The following KIAA1328 variants were observed in gnomAD, a reference collection of about 807,000 sequenced individuals.
KIAA1328 encodes KIAA1328, also known as protein hinderin.
KIAA1328 carries 52 observed loss-of-function variants against 68.1 expected under a neutral mutation model. The ratio of observed to expected loss-of-function variants is 0.76; its 90% CI spans 0.61 to 0.96. The LOEUF is 0.96. Ranked by LOEUF, KIAA1328 falls within the 40% of genes least tolerant of loss-of-function variation. The pLI is 0.00. For synonymous variants in KIAA1328, 232 were observed against 239.4 expected (o/e 0.97, Z 0.28); for missense variants, 641 against 677.6 (o/e 0.95, Z 0.60).
chr18:36,915,140 A>G (rs2049636511), intron 5 of KIAA1328, among the ~76,000 whole-genome samples: 1 of 152,214 alleles, frequency 6.6e-6, no homozygotes, highest in South Asian at 2.1e-4. Flanking sequence ...TGTAAGGCAT[A>G]CTGTAACACT....
intron 4 of KIAA1328, among the ~76,000 whole-genome samples, chr18:36,881,372 G>A (rs552987471): frequency 6.6e-6 from 1 of 151,568 alleles, no homozygotes; most frequent in Admixed American, 6.6e-5. Flanking sequence ...CCTATTCATT[G>A]TATAGAAATT....
At chr18:36,909,987 T>G (rs997909598) in intron 5 of KIAA1328, among the ~76,000 whole-genome samples, 6 of 152,212 alleles carry the variant, frequency 3.9e-5, no homozygotes, top group Admixed American at 6.5e-5. Context: ...GTTGTTTTTT[T>G]TGTGTAAATT....
Position 37,215,461 on chromosome 18 carries a change from C to T in KIAA1328, c.1524-6556C>T, listed in dbSNP as rs144410819. 1.5e-3 allele frequency among the ~76,000 whole-genome samples: 233 copies of T among 152,208 alleles called. 6 individuals are homozygous for T. In the East Asian group the frequency reaches 0.035, roughly 23 times the overall value. On this transcript the variant is annotated intron_variant, in intron 9 of 9. Transcript: ENST00000280020. ...GTGATGGATTACATTTATTGATTTG[C>T]GTATGTCGAACCAGCCTTGCATCCC...
At chr18:36,889,765 A>G (rs966321240) in intron 5 of KIAA1328, among the ~76,000 whole-genome samples, 12 of 152,216 alleles carry the variant, frequency 7.9e-5, no homozygotes, top group Non-Finnish European at 1.0e-4. Context: ...TATTATTAAT[A>G]TGGATGAGGG....
At chr18:37,031,380 T>C (rs1188677544) in intron 6 of KIAA1328, among the ~76,000 whole-genome samples, 1 of 152,210 alleles carries the variant, frequency 6.6e-6, no homozygotes, top group African/African-American at 2.4e-5. Flanking sequence ...TATTATATAG[T>C]CTTGGTGCAT....
At chr18:37,071,094 G>A (rs773874858) in intron 7 of KIAA1328, among the ~76,000 whole-genome samples, 4 of 102,010 alleles carry the variant, frequency 3.9e-5, no homozygotes, top group Non-Finnish European at 7.2e-5. Flanking sequence ...TGGTTTGACA[G>A]GATCTCACTC....
At chr18:36,986,269 A>G (rs558714724) in intron 6 of KIAA1328, among the ~76,000 whole-genome samples, 2 of 152,346 alleles carry the variant, frequency 1.3e-5, no homozygotes, top group South Asian at 4.1e-4. Context: ...ATGAAAAGCA[A>G]CTACTGATAC....
intron 6 of KIAA1328, among the ~76,000 whole-genome samples, chr18:37,043,511 T>A (rs2055342384): frequency 6.6e-6 from 1 of 152,214 alleles, no homozygotes; most frequent in South Asian, 2.1e-4. Context: ...ACCTTTTTTT[T>A]CTCTTAAGCC....
chr18:37,184,197 G>T (rs1267053904), intron 9 of KIAA1328, among the ~76,000 whole-genome samples: 1 of 152,056 alleles, frequency 6.6e-6, no homozygotes, highest in African/African-American at 2.4e-5. Flanking sequence ...AAAATCCATT[G>T]CTTCTGCCCA....
chr18:36,862,042 C>A (rs949041785), intron 4 of KIAA1328, among the ~76,000 whole-genome samples: 50 of 152,218 alleles, frequency 3.3e-4, no homozygotes, highest in Middle Eastern at 3.4e-3. Flanking sequence ...AAAAAAGAAA[C>A]AACTTTTTGT....
intron 7 of KIAA1328, among the ~76,000 whole-genome samples, chr18:37,116,913 C>T (rs1404045972): frequency 3.9e-5 from 6 of 152,174 alleles, no homozygotes; most frequent in Non-Finnish European, 7.4e-5. Flanking sequence ...TGAAAAAATG[C>T]TCATCATCAC....
intron 3 of KIAA1328, among the ~76,000 whole-genome samples, chr18:36,843,318 T>G (rs2046920429): frequency 6.6e-6 from 1 of 152,210 alleles, no homozygotes; most frequent in African/African-American, 2.4e-5. Flanking sequence ...CTATTACTAT[T>G]TCCAGAATTC....
chr18:37,136,888 G>C (rs984709079), intron 7 of KIAA1328, among the ~76,000 whole-genome samples: 3 of 152,188 alleles, frequency 2.0e-5, no homozygotes, highest in Non-Finnish European at 4.4e-5. Flanking sequence ...TGTAGGATTT[G>C]AGCAATAGAA....
intron 5 of KIAA1328, among the ~76,000 whole-genome samples, chr18:36,942,039 C>T (rs2050733430): frequency 6.6e-6 from 1 of 152,040 alleles, no homozygotes; most frequent in Non-Finnish European, 1.5e-5. Context: ...CTGAAGTATG[C>T]TTGTGGAAGT....
intron 4 of KIAA1328, among the ~76,000 whole-genome samples, chr18:36,861,248 G>C (rs2047556786): frequency 6.6e-6 from 1 of 151,854 alleles, no homozygotes; most frequent in African/African-American, 2.4e-5. Context: ...TTTTTCTCAA[G>C]ATTATATTGT....
At position 37,081,125 on chromosome 18, in the gene KIAA1328, GCA is replaced by G. The variant is rs1306834154; in HGVS notation, c.1232+13582_1232+13583del. Among the ~76,000 whole-genome samples the G allele has an allele frequency of 1.0e-3, 155 of 152,074 alleles. 2 individuals are homozygous for G. Among genetic ancestry groups the G allele is most frequent in the African/African-American group, 3.7e-3 (153 of 41,510 alleles). On this transcript the variant is annotated intron_variant, in intron 7 of 9. Coordinates refer to ENST00000280020, the MANE Select transcript of KIAA1328 (RefSeq NM_020776.3). ...CCTCCCCGAGTAGCTGGGATTGCAG[GCA>G]CGCACCACCACACCAGGCTAATTTT...
chr18:36,940,306 G>A (rs1272904379), intron 5 of KIAA1328, among the ~76,000 whole-genome samples: 1 of 152,174 alleles, frequency 6.6e-6, no homozygotes, highest in South Asian at 2.1e-4. Flanking sequence ...CTAGAGTGCG[G>A]CTCAGGATTT....
intron 4 of KIAA1328, among the ~76,000 whole-genome samples, chr18:36,849,402 G>C (rs1568073932): frequency 6.6e-6 from 1 of 151,942 alleles, no homozygotes; most frequent in Non-Finnish European, 1.5e-5. Flanking sequence ...GAAACTATCT[G>C]TTCACCAGTT....
chr18:36,902,728 T>G (rs1307614243), intron 5 of KIAA1328, among the ~76,000 whole-genome samples: 1 of 152,044 alleles, frequency 6.6e-6, no homozygotes, highest in African/African-American at 2.4e-5. Flanking sequence ...AATTACCACC[T>G]CTTTTTTAGA....
Sources: gnomAD v4.1 joint callset for allele counts (sites outside exome capture counted in the v4.1 genomes callset) on GRCh38, gnomAD v4.1.1 for gene constraint, MANE v1.5 for transcripts, NCBI Gene and HGNC (gene_info 2026-07-23, HGNC 2026-07-21) for gene names.